The following CNTN5 variants were observed in gnomAD, a reference collection of about 807,000 sequenced individuals.
The protein encoded by CNTN5 is contactin-5.
Under a neutral mutation model 129.1 loss-of-function variants are expected in CNTN5, and 77 were observed. The ratio of observed to expected loss-of-function variants is 0.60; its 90% CI spans 0.50 to 0.72. CNTN5 has a LOEUF of 0.72. Among genes scored for constraint, CNTN5 ranks in the 30% least tolerant of loss-of-function variants. The pLI is 0.00. For missense variants in CNTN5, 1,478 were observed against 1,328.8 expected (o/e 1.11, Z -1.75); for synonymous variants, 509 against 465.6 (o/e 1.09, Z -1.20).
At chr11:100,108,319 A>G (rs1945526297) in intron 13 of CNTN5, among the ~76,000 whole-genome samples, 1 of 152,130 alleles carries the variant, frequency 6.6e-6, no homozygotes, top group Non-Finnish European at 1.5e-5. Flanking sequence ...ACATCATTGG[A>G]CCAACATGTA....
chr11:100,199,451 T>C (rs1197086279), intron 15 of CNTN5, among the ~76,000 whole-genome samples: 5 of 152,046 alleles, frequency 3.3e-5, no homozygotes, highest in African/African-American at 1.2e-4. Flanking sequence ...TTTGCTATAT[T>C]ACTGTTCCCT....
intron 13 of CNTN5, among the ~76,000 whole-genome samples, chr11:100,145,344 T>C (rs1257777653): frequency 6.6e-6 from 1 of 152,146 alleles, no homozygotes; most frequent in Non-Finnish European, 1.5e-5. Flanking sequence ...ATGTTTTTGG[T>C]GTGCACTGGT....
intron 1 of CNTN5, among the ~76,000 whole-genome samples, chr11:99,216,054 G>A (rs539768330): frequency 6.2e-4 from 95 of 152,132 alleles, no homozygotes; most frequent in African/African-American, 2.1e-3. Context: ...ATTTTAAAAT[G>A]TACAATAAGT....
chr11:100,241,958 A>G (rs529834484), intron 16 of CNTN5, among the ~76,000 whole-genome samples: 1 of 152,314 alleles, frequency 6.6e-6, no homozygotes, highest in Non-Finnish European at 1.5e-5. Context: ...ACAGTCCTAC[A>G]GCCTTTGAGA....
chr11:99,361,530 AT>A (rs1370133729), intron 2 of CNTN5, among the ~76,000 whole-genome samples: 3 of 152,176 alleles, frequency 2.0e-5, no homozygotes, highest in Admixed American at 1.3e-4. Flanking sequence ...CATTTTAATT[AT>A]GCAATTGAGT....
chr11:99,157,716 T>A (rs1385086155), intron 1 of CNTN5, among the ~76,000 whole-genome samples: 1 of 152,192 alleles, frequency 6.6e-6, no homozygotes, highest in Non-Finnish European at 1.5e-5. Context: ...TTTCTCAGTA[T>A]GATTAGCTTG....
At chr11:99,840,761 A>G (rs529005588) in intron 4 of CNTN5, among the ~76,000 whole-genome samples, 1 of 152,184 alleles carries the variant, frequency 6.6e-6, no homozygotes, top group Non-Finnish European at 1.5e-5. Flanking sequence ...GGCTATCAAG[A>G]TCTTTGTGAT....
At chr11:99,894,783 G>A (rs1437833496) in intron 6 of CNTN5, among the ~76,000 whole-genome samples, 1 of 152,100 alleles carries the variant, frequency 6.6e-6, no homozygotes, top group Non-Finnish European at 1.5e-5. Flanking sequence ...AAGTCAAATT[G>A]GAGAGGATTT....
chr11:99,502,109 A>C (rs1346299787), intron 2 of CNTN5, among the ~76,000 whole-genome samples: 1 of 152,156 alleles, frequency 6.6e-6, no homozygotes, highest in East Asian at 1.9e-4. Context: ...CCATTATTTT[A>C]TAATTCTGCA....
intron 13 of CNTN5, among the ~76,000 whole-genome samples, chr11:100,110,185 TA>T (rs1294435145): frequency 2.2e-3 from 255 of 118,406 alleles, no homozygotes; most frequent in East Asian, 4.5e-3. Flanking sequence ...AGACCCTATC[TA>T]AAAAAAAAAA....
chr11:99,713,802 A>G (rs1955104011), intron 3 of CNTN5, among the ~76,000 whole-genome samples: 1 of 151,994 alleles, frequency 6.6e-6, no homozygotes, highest in African/African-American at 2.4e-5. Flanking sequence ...CTTCATTTAA[A>G]GAATGCATTA....
intron 3 of CNTN5, among the ~76,000 whole-genome samples, chr11:99,610,763 G>A (rs1354428562): frequency 6.6e-6 from 1 of 152,122 alleles, no homozygotes; most frequent in Non-Finnish European, 1.5e-5. Context: ...AGTTTAGGTT[G>A]TTTTCATTAA....
chr11:99,618,547 A>G (rs1950829961), intron 3 of CNTN5, among the ~76,000 whole-genome samples: 1 of 152,196 alleles, frequency 6.6e-6, no homozygotes, highest in South Asian at 2.1e-4. Context: ...GTATCCTAAG[A>G]ATTTCTATCT....
chr11:99,254,723 A>C (rs1862288431), intron 1 of CNTN5, among the ~76,000 whole-genome samples: 1 of 152,010 alleles, frequency 6.6e-6, no homozygotes, highest in Admixed American at 6.6e-5. Flanking sequence ...TGTTTAAATC[A>C]ACAGATTTTA....
chr11:100,143,229 T>A (rs976333467), intron 13 of CNTN5, among the ~76,000 whole-genome samples: 5 of 152,110 alleles, frequency 3.3e-5, no homozygotes, highest in African/African-American at 1.2e-4. Flanking sequence ...AATGTATCTG[T>A]AACATTGAAC....
In CNTN5 at chr11:99,613,465, T is replaced by A. The variant is rs531168679; in HGVS notation, c.55+57196T>A. 3.9e-5 allele frequency among the ~76,000 whole-genome samples: 6 copies of A among 152,222 alleles called. No homozygotes were observed. In the East Asian group the frequency reaches 1.2e-3, roughly 29 times the overall value. On this transcript the variant is annotated intron_variant, in intron 3 of 24. Transcript: ENST00000524871. The stretch of plus-strand genomic sequence containing the variant: ...CAAGTAAACCTCTTTCCTTTATAAA[T>A]TACCCAGTCTTGGGCAGTTCTCTAT...
At chr11:99,049,904 T>G (rs1011701800) in intron 1 of CNTN5, 1 of 152,220 alleles carries the variant, frequency 6.6e-6, no homozygotes, top group Non-Finnish European at 1.5e-5. Flanking sequence ...CTATTTTCCA[T>G]GTTTTCCAAT....
rs144962001 is a variant in CNTN5 at position 99,058,194 on chromosome 11, T to G, written c.-210+36924T>G. 9.6e-3 allele frequency among the ~76,000 whole-genome samples: 1,465 copies of G among 152,098 alleles called. 28 individuals are homozygous for G. The highest frequency in any genetic ancestry group is 0.034 in the African/African-American group (1,405 of 41,518). Reference sequence around the variant, plus strand: ...TGAAGAGTTTTGAGCATAGTAGGCTTTCTTCTGACTGAGTAGCTCAACCCT... The same window carrying G: ...TGAAGAGTTTTGAGCATAGTAGGCTGTCTTCTGACTGAGTAGCTCAACCCT... On this transcript the variant is annotated intron_variant, in intron 1 of 24. Transcript: ENST00000524871.
rs916655612 is a variant in CNTN5, at chr11:99,583,290, C to G, written c.55+27021C>G. On this transcript the variant is annotated intron_variant, in intron 3 of 24. Transcript: ENST00000524871. ...GGGGTCAGGGACCCACTTGAGGAGG[C>G]TGTCTGCCCATTCTCAGATCTCAAG... Among the ~76,000 whole-genome samples, 15 of 152,326 alleles carry G rather than the reference C, an allele frequency of 9.8e-5. 1 individual carries two copies. The East Asian group carries it at 2.9e-3, about 29-fold the overall frequency.
Sources: gnomAD v4.1 joint callset for allele counts (sites outside exome capture counted in the v4.1 genomes callset) on GRCh38, gnomAD v4.1.1 for gene constraint, MANE v1.5 for transcripts, NCBI Gene and HGNC (gene_info 2026-07-23, HGNC 2026-07-21) for gene names.